Variants in TFEC observed in about 807,000 individuals in gnomAD.
TFEC encodes class E basic helix-loop-helix protein 34.
TFEC carries 31 observed loss-of-function variants against 41.6 expected under a neutral mutation model. The observed-to-expected ratio is 0.74, with a 90% CI of 0.56 to 1.01. The LOEUF (loss-of-function observed/expected upper bound fraction) is 1.01, where lower values mean the gene tolerates loss of function less well. Ranked by LOEUF, TFEC falls within the 50% of genes least tolerant of loss-of-function variation. The probability of loss-of-function intolerance (pLI) is 0.00; values close to 1 mark genes in which losing one functional copy is unlikely to be tolerated. For missense variants in TFEC, 402 were observed against 404.1 expected, an observed-to-expected ratio of 0.99 and a Z score of 0.04; for synonymous variants, 143 against 140.6, an observed-to-expected ratio of 1.02 and a Z score of -0.12.
At chr7:116,048,539 C>T (rs1009022185) in intron 3 of TFEC, among the ~76,000 whole-genome samples, 2 of 152,152 alleles carry the variant, frequency 1.3e-5, no homozygotes, top group African/African-American at 4.8e-5. Flanking sequence ...AGAATGGAAC[C>T]AAGTTGGAAA....
intron 3 of TFEC, among the ~76,000 whole-genome samples, chr7:116,071,950 A>G (rs1034047275): frequency 2.0e-5 from 3 of 151,462 alleles, no homozygotes; most frequent in Non-Finnish European, 4.4e-5. Flanking sequence ...TATTTCTCAA[A>G]ACAGAAATAC....
intron 3 of TFEC, among the ~76,000 whole-genome samples, chr7:116,047,089 C>G (rs1796183399): frequency 6.6e-6 from 1 of 152,198 alleles, no homozygotes; most frequent in Non-Finnish European, 1.5e-5. Context: ...GTCTGTAGCT[C>G]CCAGTGTGAG....
exon 3 of TFEC, chr7:116,110,855 T>A (rs1230314828): frequency 6.5e-7 from 1 of 1,543,980 alleles, no homozygotes; most frequent in Non-Finnish European, 8.7e-7. Flanking sequence ...TCTCCTTTTC[T>A]CCTAATTGTT....
At chr7:116,039,274 C>A (rs1795978022) in intron 3 of TFEC, among the ~76,000 whole-genome samples, 1 of 151,756 alleles carries the variant, frequency 6.6e-6, no homozygotes, top group Non-Finnish European at 1.5e-5. Flanking sequence ...AAACTGTATC[C>A]TTAACCATTT....
At chr7:115,955,504 A>C (rs945400634) in intron 4 of TFEC, among the ~76,000 whole-genome samples, 1 of 151,998 alleles carries the variant, frequency 6.6e-6, no homozygotes, top group Non-Finnish European at 1.5e-5. Flanking sequence ...TGAGTGAAAC[A>C]CCTCGGGAGT....
chr7:116,076,305 T>C (rs1350538524), intron 3 of TFEC, among the ~76,000 whole-genome samples: 1 of 152,064 alleles, frequency 6.6e-6, no homozygotes, highest in African/African-American at 2.4e-5. Flanking sequence ...CCCTCTGACA[T>C]AGTCTACCCA....
At chr7:115,966,444 C>G (rs1409101584) in intron 3 of TFEC, among the ~76,000 whole-genome samples, 1 of 151,566 alleles carries the variant, frequency 6.6e-6, no homozygotes, top group Non-Finnish European at 1.5e-5. Context: ...TTATTACATA[C>G]CAGGTACTAA....
intron 1 of TFEC, among the ~76,000 whole-genome samples, chr7:116,025,082 T>C (rs1028558736): frequency 4.6e-5 from 7 of 152,182 alleles, no homozygotes; most frequent in East Asian, 1.9e-4. Context: ...CAAATGGAGA[T>C]GCAAATGAAT....
intron 1 of TFEC, chr7:116,157,199 T>C (rs1045779343): frequency 2.0e-5 from 3 of 152,148 alleles, no homozygotes; most frequent in African/African-American, 7.2e-5. Flanking sequence ...AGTGAAAGCA[T>C]AGCACTGCTC....
chr7:116,020,633 C>A (rs1225802728), intron 1 of TFEC, among the ~76,000 whole-genome samples: 1 of 152,060 alleles, frequency 6.6e-6, no homozygotes, highest in Non-Finnish European at 1.5e-5. Flanking sequence ...CGTAATCACA[C>A]AGCAAAAATT....
chr7:115,988,018 A>G (rs559533936), intron 1 of TFEC, among the ~76,000 whole-genome samples: 12 of 152,246 alleles, frequency 7.9e-5, no homozygotes, highest in African/African-American at 2.9e-4. Context: ...TATCTTTAGA[A>G]CTCAAAATTA....
chr7:115,954,627 G>A lies in TFEC; in HGVS notation c.398C>T (p.Ala133Val), dbSNP rs1034508717. Residue 133 changes from alanine to valine, a missense_variant, in exon 5 of 8, where the codon GCT (alanine) becomes GTT (valine). Transcript: ENST00000265440. ...KREITETDTR[A>V]LAKERQKKDN... ...CTTTTTTTGTCTCTCTTTTGCTAAA[G>A]CTCTAGTGTCAGTTTCTGATCAAAA... The A allele has an allele frequency of 6.2e-7, 1 of 1,611,446 alleles. No homozygotes were observed. Among genetic ancestry groups the A allele is most frequent in the Non-Finnish European group, 8.5e-7 (1 of 1,178,864 alleles).
intron 3 of TFEC, among the ~76,000 whole-genome samples, chr7:116,047,103 C>G (rs904485269): frequency 6.6e-6 from 1 of 152,284 alleles, no homozygotes; most frequent in Non-Finnish European, 1.5e-5. Flanking sequence ...GTGTGAGCGA[C>G]GCAGAAGGCA....
chr7:116,000,271 T>C (rs1794538632), intron 1 of TFEC, among the ~76,000 whole-genome samples: 1 of 151,970 alleles, frequency 6.6e-6, no homozygotes, highest in African/African-American at 2.4e-5. Flanking sequence ...CACTTCAAGA[T>C]AAAAACCCTC....
At chr7:115,946,576 A>G (rs1791573233) in intron 6 of TFEC, among the ~76,000 whole-genome samples, 1 of 150,336 alleles carries the variant, frequency 6.7e-6, no homozygotes, top group Non-Finnish European at 1.5e-5. Flanking sequence ...CTACCATATC[A>G]AGCTTGCTCT....
chr7:116,050,614 G>A (rs1269060186), intron 3 of TFEC, among the ~76,000 whole-genome samples: 1 of 152,122 alleles, frequency 6.6e-6, no homozygotes, highest in Admixed American at 6.5e-5. Context: ...CTCACACCAG[G>A]TAGAATGGCA....
intron 1 of TFEC, among the ~76,000 whole-genome samples, chr7:115,988,888 C>A (rs992708534): frequency 6.6e-6 from 1 of 151,880 alleles, no homozygotes; most frequent in Non-Finnish European, 1.5e-5. Flanking sequence ...CATACAGAAG[C>A]AAAGATAAAA....
At chr7:116,145,442 T>C (rs892142585) in intron 1 of TFEC, among the ~76,000 whole-genome samples, 1 of 152,078 alleles carries the variant, frequency 6.6e-6, no homozygotes, top group South Asian at 2.1e-4. Flanking sequence ...GCAGCACTCA[T>C]CAACTCACAG....
chr7:116,136,338 A>G (rs1316758402), intron 1 of TFEC, among the ~76,000 whole-genome samples: 3 of 152,042 alleles, frequency 2.0e-5, no homozygotes, highest in Non-Finnish European at 4.4e-5. Context: ...TAAAACTCAA[A>G]TACGCATATC....
Sources: gnomAD v4.1 joint callset for allele counts (sites outside exome capture counted in the v4.1 genomes callset) on GRCh38, gnomAD v4.1.1 for gene constraint, MANE v1.5 for transcripts, NCBI Gene and HGNC (gene_info 2026-07-23, HGNC 2026-07-21) for gene names.